The following CHORDC1 variants were observed in gnomAD, a reference collection of about 807,000 sequenced individuals.
The protein encoded by CHORDC1 is cysteine and histidine rich domain containing 1, also known as cysteine and histidine-rich domain-containing protein 1.
In CHORDC1, 25 loss-of-function variants were observed where a neutral mutation model predicts 48.3. That is an observed-to-expected ratio of 0.52 (90% CI 0.38 to 0.72). The LOEUF is 0.72. CHORDC1 is among the 30% of genes least tolerant of loss of function. The probability of loss-of-function intolerance (pLI) is 0.00; values close to 1 mark genes in which losing one functional copy is unlikely to be tolerated. For missense variants in CHORDC1, 317 were observed against 388.7 expected, an observed-to-expected ratio of 0.82 and a Z score of 1.55; for synonymous variants, 128 against 126.4, an observed-to-expected ratio of 1.01 and a Z score of -0.09.
intron 1 of CHORDC1, 108 bp from the exon 2 acceptor site, chr11:90,218,292 A>T: frequency 1.4e-6 from 1 of 726,302 alleles, no homozygotes; most frequent in Non-Finnish European, 2.2e-6. Context: ...TTCCAAACGC[A>T]AGTACCTTAA....
At chr11:90,208,741 G>T (rs1008645049) in intron 6 of CHORDC1, 4 of 152,068 alleles carry the variant, frequency 2.6e-5, no homozygotes, top group African/African-American at 7.2e-5. Context: ...CTGCATTGCT[G>T]GTGTGTTTAA....
chr11:90,207,017 A>G (rs1002738112), intron 6 of CHORDC1: 1 of 327,500 alleles, frequency 3.1e-6, no homozygotes, highest in Admixed American at 4.2e-5. Context: ...AGCATCTACT[A>G]AACTTAATGC....
chr11:90,216,564 T>C (rs1858016703), intron 2 of CHORDC1: 2 of 439,406 alleles, frequency 4.6e-6, no homozygotes, highest in Non-Finnish European at 9.0e-6. Context: ...CTTTAAGAAA[T>C]GGTTATAAAA....
At chr11:90,211,515 T>C (rs1857860009) in intron 4 of CHORDC1, 197 bp from the exon 5 acceptor site, 1 of 444,816 alleles carries the variant, frequency 2.2e-6, no homozygotes, top group Admixed American at 4.3e-5. Context: ...AAGCTCCTTA[T>C]ATTAGAATAG....
intron 8 of CHORDC1, among the ~76,000 whole-genome samples, chr11:90,203,903 T>C (rs1857603123): frequency 1.3e-5 from 2 of 152,314 alleles, no homozygotes; most frequent in African/African-American, 2.4e-5. Context: ...TGACCAGTTA[T>C]TACTTTCTTC....
At chr11:90,207,098 A>G (rs991167465) in intron 6 of CHORDC1, 1 of 212,058 alleles carries the variant, frequency 4.7e-6, no homozygotes, top group Non-Finnish European at 9.7e-6. Context: ...TTCTCAAAGC[A>G]AAATCCATTC....
rs1370081467 is a variant in CHORDC1 at position 90,200,951 on chromosome 11, G to A, written c.*1454C>T. 6.6e-6 allele frequency among the ~76,000 whole-genome samples: 1 copy of A among 151,938 alleles called. No homozygotes were observed. On this transcript the variant is annotated 3_prime_UTR_variant, in exon 11 of 11. Transcript: ENST00000320585. ...GGTATCAGATGCTTATGTACTCCAT[G>A]TGGGTCCAACTTTTACTGCCCAGAG... is the stretch of plus-strand genomic sequence containing the variant.
intron 5 of CHORDC1, 94 bp downstream of exon 5, chr11:90,211,121 C>T (rs1345916377): frequency 5.0e-6 from 4 of 794,650 alleles, no homozygotes; most frequent in East Asian, 2.7e-5. Context: ...GCGACTTTTC[C>T]CTATTTATAT....
intron 10 of CHORDC1, 109 bp from the exon 11 acceptor site, chr11:90,202,660 CCT>C: frequency 7.1e-7 from 1 of 1,401,166 alleles, no homozygotes; most frequent in Non-Finnish European, 9.7e-7. Flanking sequence ...CTTCTAAAGG[CCT>C]CTTTTATATC....
rs1211319143 is a variant in CHORDC1 at position 90,202,369 on chromosome 11, C to T, written c.*36G>A. 8 of 1,597,010 alleles carry T rather than the reference C, an allele frequency of 5.0e-6. No homozygotes were observed. Among genetic ancestry groups the T allele is most frequent in the African/African-American group, 2.7e-5 (2 of 74,376 alleles). The stretch of plus-strand genomic sequence containing the variant: ...ACCACTTCACACAGTATTAAAAATT[C>T]GGAAATAATGTAATAGCCTTCCTTC... On this transcript the variant is annotated 3_prime_UTR_variant, in exon 11 of 11. Transcript: ENST00000320585.
In CHORDC1 at chr11:90,205,782, T is replaced by C. The variant is rs1857663888; in HGVS notation, c.564-217A>G. The C allele has an allele frequency of 1.2e-5, 6 of 520,546 alleles. No homozygotes were observed. The South Asian group carries it at 1.5e-4, about 13-fold the overall frequency. The allele number at this position is 520,546 out of a possible 1,614,324, so 32.2% of individuals were successfully genotyped here. A position where few individuals can be genotyped will look rare whatever the true frequency, so the allele number is the denominator to read the frequency against. On this transcript the variant is annotated intron_variant, in intron 7 of 10. Coordinates refer to ENST00000320585, the MANE Select transcript of CHORDC1 (RefSeq NM_012124.3). ...TACACAGTGCTGCATTTCTATAAACTAGAGCATAATACAGAAGAGAGGCTC... is the reference window on the plus strand; with the variant it reads ...TACACAGTGCTGCATTTCTATAAACCAGAGCATAATACAGAAGAGAGGCTC...
At position 90,202,438 on chromosome 11, in the gene CHORDC1, C is replaced by A. The variant is rs1414324364; in HGVS notation, c.966G>T (p.Lys322Asn). ...WASLELPAAK[K>N]QEKQKDATTD ...TTGTGGCATCTTTTTGTTTTTCCTG[C>A]TTTTTAGCTGCAGGCAGTTCAAGGC... The change falls in exon 11 of 11, where the codon AAG (lysine) becomes AAT (asparagine). Residue 322 changes from lysine (K) to asparagine (N), a missense_variant. Transcript: ENST00000320585. 3.7e-6 allele frequency: 6 copies of A among 1,611,556 alleles called. No homozygotes were observed. Among genetic ancestry groups the A allele is most frequent in the Non-Finnish European group, 4.2e-6 (5 of 1,179,558 alleles).
At chr11:90,222,509 C>T (rs1032170590) in intron 1 of CHORDC1, 1 of 411,296 alleles carries the variant, frequency 2.4e-6, no homozygotes, top group African/African-American at 2.1e-5. Flanking sequence ...TCGGGAACTA[C>T]AAAGCAAGCT....
chr11:90,221,798 A>C (rs1231729117), intron 1 of CHORDC1, among the ~76,000 whole-genome samples: 1 of 152,192 alleles, frequency 6.6e-6, no homozygotes, highest in African/African-American at 2.4e-5. Context: ...CTTATTTTAA[A>C]TAACGCTATC....
chr11:90,208,758 G>GA (rs1171594165), intron 6 of CHORDC1: 27 of 152,218 alleles, frequency 1.8e-4, no homozygotes, highest in African/African-American at 6.3e-4. Context: ...TTAATTTTGT[G>GA]AAAATCCCTT....
intron 4 of CHORDC1, chr11:90,212,404 A>G (rs1857896799): frequency 6.6e-6 from 1 of 152,204 alleles, no homozygotes; most frequent in African/African-American, 2.4e-5. Flanking sequence ...TGAGTTCATT[A>G]AACCTCTTTT....
At chr11:90,205,775 T>C (rs1857663710) in intron 7 of CHORDC1, 6 of 534,018 alleles carry the variant, frequency 1.1e-5, no homozygotes, top group Non-Finnish European at 2.0e-5. Context: ...GCTGCATTTC[T>C]ATAAACTAGA....
chr11:90,219,136 C>T (rs1858097407), intron 1 of CHORDC1, among the ~76,000 whole-genome samples: 1 of 151,960 alleles, frequency 6.6e-6, no homozygotes, highest in African/African-American at 2.4e-5. Context: ...CGTGGTAGTG[C>T]ATGCCTGTAG....
intron 1 of CHORDC1, chr11:90,222,531 C>G (rs1858197273): frequency 2.1e-6 from 1 of 472,988 alleles, no homozygotes; most frequent in Non-Finnish European, 4.0e-6. Flanking sequence ...ACCAGTACCT[C>G]GTTAATTTTT....
Sources: gnomAD v4.1 joint callset for allele counts (sites outside exome capture counted in the v4.1 genomes callset) on GRCh38, gnomAD v4.1.1 for gene constraint, MANE v1.5 for transcripts, NCBI Gene and HGNC (gene_info 2026-07-23, HGNC 2026-07-21) for gene names.